NFIC: variants seen among roughly 807,000 people sequenced by gnomAD.
NFIC encodes the protein nuclear factor 1 C-type.
A neutral mutation model predicts 54.4 loss-of-function variants in NFIC; 12 were observed. The ratio of observed to expected loss-of-function variants is 0.22; its 90% CI spans 0.14 to 0.36. NFIC has a LOEUF of 0.36. Among genes scored for constraint, NFIC ranks in the 10% least tolerant of loss-of-function variants. NFIC has a pLI of 1.00. For synonymous variants in NFIC, 322 were observed against 319.2 expected, an observed-to-expected ratio of 1.01 and a Z score of -0.09; for missense variants, 575 against 718.2, an observed-to-expected ratio of 0.80 and a Z score of 2.28.
intron 2 of NFIC, among the ~76,000 whole-genome samples, chr19:3,409,763 A>G (rs1007878538): frequency 2.6e-5 from 4 of 152,206 alleles, no homozygotes; most frequent in Non-Finnish European, 5.9e-5. Context: ...CCGCCCCGTC[A>G]GTGCCATCCA....
chr19:3,424,887 T>C (rs548155505), intron 2 of NFIC, among the ~76,000 whole-genome samples: 41 of 152,288 alleles, frequency 2.7e-4, no homozygotes, highest in African/African-American at 9.6e-4. Flanking sequence ...GCCTAGCTGG[T>C]GTCTGCAGGG....
intron 1 of NFIC, among the ~76,000 whole-genome samples, chr19:3,376,428 C>CAAAAAAAAAAAAAAA (rs35724239): frequency 2.1e-5 from 1 of 48,170 alleles, no homozygotes; most frequent in Non-Finnish European, 3.6e-5. Flanking sequence ...GACACTGTCT[C>CAAAAAAAAAAAAAAA]AAAAAAAAAA....
rs1290003603 is a variant in NFIC at position 3,429,263 on chromosome 19, C to T, written c.634+4086C>T. On this transcript the variant is annotated intron_variant, in intron 3 of 10. Transcript: ENST00000443272. ...AAAAAAAAAAATATATACACACACA[C>T]ACACACACACACACACACACACACA... Among the ~76,000 whole-genome samples, 212 of 110,838 alleles carry T rather than the reference C, an allele frequency of 1.9e-3. 22 individuals are homozygous for T. The highest frequency in any genetic ancestry group is 8.4e-3 in the African/African-American group (203 of 24,058). 72.7% of individuals were successfully genotyped at this position (110,838 alleles called of 152,430 possible).
rs536314744 is a variant in NFIC, at chr19:3,423,717, T to C, written c.563-1389T>C. Among the ~76,000 whole-genome samples, 20 of 152,118 alleles carry C rather than the reference T, an allele frequency of 1.3e-4. No homozygotes were observed. The South Asian group carries it at 4.2e-3, about 32-fold the overall frequency. Reference sequence around the variant, plus strand: ...GGAACCTAATTATTTTTAGATAAGATGGAGGGGCGGGCGCCGGGGCAGAGG... The same window carrying C: ...GGAACCTAATTATTTTTAGATAAGACGGAGGGGCGGGCGCCGGGGCAGAGG... On this transcript the variant is annotated intron_variant, in intron 2 of 10. Coordinates refer to ENST00000443272, the MANE Select transcript of NFIC (RefSeq NM_001245002.2).
chr19:3,407,780 G>A (rs1241719978), intron 2 of NFIC, among the ~76,000 whole-genome samples: 2 of 152,152 alleles, frequency 1.3e-5, no homozygotes, highest in Non-Finnish European at 2.9e-5. Context: ...GGGTGCTGGG[G>A]ACTAGAACAA....
intron 2 of NFIC, among the ~76,000 whole-genome samples, chr19:3,420,006 G>A (rs1005939739): frequency 6.6e-6 from 1 of 151,830 alleles, no homozygotes; most frequent in Non-Finnish European, 1.5e-5. Context: ...CATTGTACTG[G>A]AAGTTCTGCC....
intron 6 of NFIC, among the ~76,000 whole-genome samples, chr19:3,440,773 G>A (rs975534412): frequency 6.6e-6 from 1 of 152,212 alleles, no homozygotes; most frequent in South Asian, 2.1e-4. Context: ...CGCCCGCCTC[G>A]GCCTCCCAAA....
intron 1 of NFIC, among the ~76,000 whole-genome samples, chr19:3,372,351 G>A (rs10421220): frequency 0.012 from 1,831 of 152,164 alleles, 27 homozygotes; most frequent in African/African-American, 0.041. Context: ...GCCCAGCCCT[G>A]TCCAGGGTCT....
intron 2 of NFIC, among the ~76,000 whole-genome samples, chr19:3,422,771 A>G (rs907029426): frequency 6.6e-6 from 1 of 151,942 alleles, no homozygotes; most frequent in Non-Finnish European, 1.5e-5. Flanking sequence ...GGGGTCTTGG[A>G]GACAGTACTT....
At chr19:3,440,431 CTTTTTTT>C (rs774059880) in intron 6 of NFIC, among the ~76,000 whole-genome samples, 1 of 143,432 alleles carries the variant, frequency 7.0e-6, no homozygotes, top group Non-Finnish European at 1.5e-5. Flanking sequence ...CTGGGCCACT[CTTTTTTT>C]TTTTTTTGAG....
chr19:3,420,556 A>AAAAAAAAAAATAAAT (rs1555751892), intron 2 of NFIC, among the ~76,000 whole-genome samples: 2 of 142,680 alleles, frequency 1.4e-5, no homozygotes, highest in Non-Finnish European at 3.0e-5. Context: ...CCATCTCAAA[A>AAAAAAAAAAATAAAT]AAATAAATAA....
chr19:3,428,516 A>C (rs2082063826), intron 3 of NFIC, among the ~76,000 whole-genome samples: 1 of 151,346 alleles, frequency 6.6e-6, no homozygotes. Context: ...TCCTTCTTGG[A>C]AGGACCGGAA....
intron 6 of NFIC, among the ~76,000 whole-genome samples, chr19:3,438,627 C>T (rs1021856769): frequency 2.6e-5 from 4 of 151,980 alleles, no homozygotes; most frequent in Admixed American, 6.6e-5. Flanking sequence ...TCAGTAGAGA[C>T]GGGGTTTCAC....
chr19:3,457,633 T>C (rs1281378498), intron 10 of NFIC, among the ~76,000 whole-genome samples: 1 of 152,120 alleles, frequency 6.6e-6, no homozygotes, highest in African/African-American at 2.4e-5. Flanking sequence ...AGCTCTGGGC[T>C]ACCCAGCGGC....
chr19:3,409,521 C>T (rs968502663), intron 2 of NFIC, among the ~76,000 whole-genome samples: 2 of 152,316 alleles, frequency 1.3e-5, no homozygotes, highest in Non-Finnish European at 1.5e-5. Context: ...CAAGGCCTGG[C>T]GAGTAGTAGG....
chr19:3,379,894 C>G (rs1434194814), intron 1 of NFIC, among the ~76,000 whole-genome samples: 1 of 151,908 alleles, frequency 6.6e-6, no homozygotes, highest in African/African-American at 2.4e-5. Flanking sequence ...GTCATCCAGG[C>G]TGGTCTTGAA....
rs768668530 is a variant in NFIC at position 3,381,704 on chromosome 19, G to A, written c.31-8G>A. On this transcript the variant is annotated splice_region_variant and splice_polypyrimidine_tract_variant and intron_variant, in intron 1 of 10. Coordinates refer to ENST00000443272, the MANE Select transcript of NFIC (RefSeq NM_001245002.2). ...GCGCTCCTGACCTCTCGCCTCTCCG[G>A]CCTGCAGGATGAGTTCCACCCGTTC... The A allele has an allele frequency of 6.2e-7, 1 of 1,613,028 alleles. No individual in the cohort carries two copies. The highest frequency in any genetic ancestry group is 2.2e-5 in the East Asian group (1 of 44,874).
intron 2 of NFIC, among the ~76,000 whole-genome samples, chr19:3,393,066 G>A (rs944538309): frequency 2.0e-5 from 3 of 152,076 alleles, no homozygotes; most frequent in Admixed American, 1.3e-4. Flanking sequence ...TCAGCCTCCC[G>A]AGTAGCTGGG....
intron 1 of NFIC, among the ~76,000 whole-genome samples, chr19:3,372,883 C>T (rs927659165): frequency 6.6e-6 from 1 of 151,568 alleles, no homozygotes; most frequent in African/African-American, 2.4e-5. Context: ...CTCGCTCTGT[C>T]GCCCAGACTA....
Sources: gnomAD v4.1 joint callset for allele counts (sites outside exome capture counted in the v4.1 genomes callset) on GRCh38, gnomAD v4.1.1 for gene constraint, MANE v1.5 for transcripts, NCBI Gene and HGNC (gene_info 2026-07-23, HGNC 2026-07-21) for gene names.